The following CAMK2A variants were observed in gnomAD, a reference collection of about 807,000 sequenced individuals.
CAMK2A encodes calcium/calmodulin dependent protein kinase II alpha.
In CAMK2A, 7 loss-of-function variants were observed where a neutral mutation model predicts 79.2. That is an observed-to-expected ratio of 0.09 (90% CI 0.05 to 0.17). CAMK2A has a LOEUF of 0.17. Ranked by LOEUF, CAMK2A falls within the 10% of genes least tolerant of loss-of-function variation. The probability of loss-of-function intolerance (pLI) is 1.00; values close to 1 mark genes in which losing one functional copy is unlikely to be tolerated. For missense variants in CAMK2A, 214 were observed against 646.4 expected (o/e 0.33, Z 7.25); for synonymous variants, 242 against 251.7 (o/e 0.96, Z 0.36).
At chr5:150,252,198 G>A (rs995161319) in intron 7 of CAMK2A, 133 bp from the exon 8 acceptor site, 1 of 698,790 alleles carries the variant, frequency 1.4e-6, no homozygotes, top group Non-Finnish European at 2.5e-6. Context: ...CCCCTCAGGT[G>A]CACTTGGGCT....
chr5:150,262,865 C>T (rs1233983423), intron 3 of CAMK2A, among the ~76,000 whole-genome samples: 5 of 152,052 alleles, frequency 3.3e-5, no homozygotes, highest in African/African-American at 1.2e-4. Context: ...AGATTGAAAC[C>T]GGGTGTCTGA....
intron 15 of CAMK2A, among the ~76,000 whole-genome samples, chr5:150,236,779 G>T (rs543381608): frequency 6.6e-6 from 1 of 152,222 alleles, no homozygotes; most frequent in Non-Finnish European, 1.5e-5. Context: ...ACAGGGCAGG[G>T]CTGGGAATGT....
intron 12 of CAMK2A, 131 bp downstream of exon 12, chr5:150,247,641 T>C: frequency 2.9e-6 from 2 of 685,186 alleles, no homozygotes; most frequent in South Asian, 1.9e-5. Context: ...GCTAAGCCCT[T>C]AGTCACAGAG....
At position 150,257,692 on chromosome 5, in the gene CAMK2A, C is replaced by T. The variant is rs142134577; in HGVS notation, c.218-75G>A. On this transcript the variant is annotated intron_variant, in intron 3 of 18. Transcript: ENST00000671881. ...GGCCCGCCCTCCCTCTCTCCCCTCC[C>T]GTGTATATCCAACACCCCCCGCTCC... 3,832 of 1,188,416 alleles carry T rather than the reference C, an allele frequency of 3.2e-3. 10 individuals carry two copies. Among genetic ancestry groups the T allele is most frequent in the Admixed American group, 4.4e-3 (224 of 50,532 alleles). The allele number at this position is 1,188,416 out of a possible 1,614,324, so 73.6% of individuals were successfully genotyped here.
intron 2 of CAMK2A, among the ~76,000 whole-genome samples, chr5:150,266,360 T>C (rs1487274418): frequency 6.6e-6 from 1 of 152,228 alleles, no homozygotes; most frequent in East Asian, 1.9e-4. Flanking sequence ...GAAGCCTCCG[T>C]GGTGGCAGAG....
chr5:150,243,036 G>A (rs75034293), intron 13 of CAMK2A, among the ~76,000 whole-genome samples: 6,265 of 152,334 alleles, frequency 0.041, 408 homozygotes, highest in African/African-American at 0.14. Flanking sequence ...TGTGCCCACT[G>A]GAAAGCCTGC....
intron 13 of CAMK2A, 89 bp downstream of exon 13, chr5:150,245,072 C>A: frequency 7.5e-7 from 1 of 1,337,428 alleles, no homozygotes; most frequent in Non-Finnish European, 1.1e-6. Context: ...ATCAGCAAGG[C>A]CCGGGTCTTG....
intron 17 of CAMK2A, among the ~76,000 whole-genome samples, chr5:150,227,194 C>T (rs962531735): frequency 7.9e-5 from 12 of 152,220 alleles, no homozygotes; most frequent in African/African-American, 2.9e-4. Flanking sequence ...TTGCACCATG[C>T]TCCTGCCTGA....
chr5:150,282,373 A>C (rs1757252345), intron 1 of CAMK2A, among the ~76,000 whole-genome samples: 1 of 152,248 alleles, frequency 6.6e-6, no homozygotes, highest in Non-Finnish European at 1.5e-5. Flanking sequence ...GGTCACAAAA[A>C]GAAAAACAGA....
At chr5:150,232,245 T>C (rs1754874717) in intron 15 of CAMK2A, among the ~76,000 whole-genome samples, 1 of 152,214 alleles carries the variant, frequency 6.6e-6, no homozygotes, top group Admixed American at 6.5e-5. Context: ...ACAAGGTGGT[T>C]TGAAGGTCTG....
chr5:150,251,872 C>A, intron 8 of CAMK2A, 28 bp from the exon 9 acceptor site: 1 of 1,578,300 alleles, frequency 6.3e-7, no homozygotes, highest in Non-Finnish European at 8.7e-7. Context: ...GAACCTTCAA[C>A]CCCCTGTGGG....
intron 15 of CAMK2A, 167 bp downstream of exon 15, chr5:150,238,533 T>C: frequency 1.4e-6 from 1 of 703,686 alleles, no homozygotes; most frequent in East Asian, 2.9e-5. Context: ...CCGCCCTCCA[T>C]GGGAATGATG....
At chr5:150,243,805 A>T (rs1192977455) in intron 13 of CAMK2A, among the ~76,000 whole-genome samples, 2 of 152,198 alleles carry the variant, frequency 1.3e-5, no homozygotes, top group Non-Finnish European at 2.9e-5. Flanking sequence ...GAAGAAGCGC[A>T]GGCTCAGGGA....
At chr5:150,229,798 T>G (rs901292631) in intron 16 of CAMK2A, among the ~76,000 whole-genome samples, 3 of 152,248 alleles carry the variant, frequency 2.0e-5, no homozygotes, top group Non-Finnish European at 4.4e-5. Flanking sequence ...TTTCCATGCT[T>G]TTATGCAACA....
At chr5:150,285,465 A>C (rs1308615738) in intron 1 of CAMK2A, among the ~76,000 whole-genome samples, 1 of 152,196 alleles carries the variant, frequency 6.6e-6, no homozygotes, top group African/African-American at 2.4e-5. Flanking sequence ...TGCCTGGGAA[A>C]GGCAGGATTG....
chr5:150,238,441 G>T, intron 15 of CAMK2A: 1 of 364,898 alleles, frequency 2.7e-6, no homozygotes, highest in Non-Finnish European at 5.1e-6. Flanking sequence ...GACAGAGCGA[G>T]ACGTCATCTC....
chr5:150,267,034 A>G (rs568637079), intron 2 of CAMK2A, among the ~76,000 whole-genome samples: 1 of 152,330 alleles, frequency 6.6e-6, no homozygotes, highest in East Asian at 1.9e-4. Flanking sequence ...AATTAAGTCC[A>G]ATTCAGTTTC....
intron 1 of CAMK2A, among the ~76,000 whole-genome samples, chr5:150,280,414 C>T (rs1336068353): frequency 3.9e-5 from 6 of 152,144 alleles, no homozygotes; most frequent in Non-Finnish European, 1.5e-5. Flanking sequence ...AAAACTCTCT[C>T]CTCAAATAAA....
intron 13 of CAMK2A, among the ~76,000 whole-genome samples, chr5:150,244,570 C>T (rs1047351968): frequency 4.6e-5 from 7 of 152,228 alleles, no homozygotes; most frequent in African/African-American, 1.4e-4. Flanking sequence ...TGTGGAGGGA[C>T]CACAGGGTAA....
Sources: gnomAD v4.1 joint callset for allele counts (sites outside exome capture counted in the v4.1 genomes callset) on GRCh38, gnomAD v4.1.1 for gene constraint, MANE v1.5 for transcripts, NCBI Gene and HGNC (gene_info 2026-07-23, HGNC 2026-07-21) for gene names.